Variants in HPSE2 observed in about 807,000 individuals in gnomAD.
HPSE2 encodes inactive heparanase-2.
HPSE2 carries 38 observed loss-of-function variants against 60.5 expected under a neutral mutation model. That is an observed-to-expected ratio of 0.63 (90% CI 0.48 to 0.82). HPSE2 has a LOEUF of 0.82. Ranked by LOEUF, HPSE2 falls within the 40% of genes least tolerant of loss-of-function variation. HPSE2 has a pLI of 0.00. For synonymous variants in HPSE2, 295 were observed against 293.2 expected (o/e 1.01, Z -0.06); for missense variants, 713 against 740.4 (o/e 0.96, Z 0.43).
At chr10:98,690,566 A>G in intron 6 of HPSE2, among the ~76,000 whole-genome samples, 1 of 152,086 alleles carries the variant, frequency 6.6e-6, no homozygotes, top group African/African-American at 2.4e-5. Context: ...AATAATAATA[A>G]TAACTGCAGT....
chr10:98,871,095 C>T (rs149012223), intron 3 of HPSE2, among the ~76,000 whole-genome samples: 5 of 152,162 alleles, frequency 3.3e-5, no homozygotes, highest in African/African-American at 1.2e-4. Context: ...TCTTGTACAG[C>T]CTGCAGAACC....
At chr10:98,610,890 G>T (rs1403314405) in intron 9 of HPSE2, among the ~76,000 whole-genome samples, 1 of 152,196 alleles carries the variant, frequency 6.6e-6, no homozygotes, top group African/African-American at 2.4e-5. Flanking sequence ...TTCCCTGAAA[G>T]CTCTGTAAAT....
At chr10:99,053,030 TA>T (rs1958025191) in intron 3 of HPSE2, among the ~76,000 whole-genome samples, 1 of 116,776 alleles carries the variant, frequency 8.6e-6, no homozygotes, top group Non-Finnish European at 2.1e-5. Context: ...CATCTTTTAT[TA>T]ATTTCTTGAA....
the HPSE2 span, among the ~76,000 whole-genome samples, chr10:99,309,692 C>T: frequency 6.6e-6 from 1 of 152,158 alleles, no homozygotes; most frequent in South Asian, 2.1e-4. Flanking sequence ...GTCCATATGG[C>T]CTGCAAAGCC....
chr10:99,129,869 G>C (rs996216034), intron 3 of HPSE2, among the ~76,000 whole-genome samples: 1 of 149,994 alleles, frequency 6.7e-6, no homozygotes, highest in African/African-American at 2.4e-5. Flanking sequence ...AAACAAAATT[G>C]ATACATCATT....
intron 2 of HPSE2, among the ~76,000 whole-genome samples, chr10:99,199,302 T>C (rs1241072289): frequency 6.6e-6 from 1 of 152,090 alleles, no homozygotes; most frequent in African/African-American, 2.4e-5. Context: ...TATAAAAGGG[T>C]TCCAGTTTCT....
chr10:99,005,887 G>A (rs138760486), intron 3 of HPSE2, among the ~76,000 whole-genome samples: 195 of 152,278 alleles, frequency 1.3e-3, no homozygotes, highest in African/African-American at 4.5e-3. Context: ...CCATAGGTGG[G>A]TTTACTGCTG....
At chr10:98,850,039 C>A (rs930249644) in intron 3 of HPSE2, among the ~76,000 whole-genome samples, 2 of 152,148 alleles carry the variant, frequency 1.3e-5, no homozygotes, top group Non-Finnish European at 2.9e-5. Flanking sequence ...GCACCACGCC[C>A]AGCCAATCTT....
intron 3 of HPSE2, among the ~76,000 whole-genome samples, chr10:98,905,187 T>A (rs1953777827): frequency 6.6e-6 from 1 of 152,096 alleles, no homozygotes. Flanking sequence ...TACTTTAAGT[T>A]TTAGGGTACA....
At position 98,740,710 on chromosome 10, in the gene HPSE2, C is replaced by T. The variant is rs544431409; in HGVS notation, c.784+3173G>A. Among the ~76,000 whole-genome samples the T allele has an allele frequency of 3.3e-4, 51 of 152,240 alleles. No individual in the cohort carries two copies. The South Asian group carries it at 7.5e-3, about 22-fold the overall frequency. Reference sequence around the variant, plus strand: ...GCTCTAGAGATAAAATACTTGTTAACATGGTGTAGGTATATGGAAAGATGA... The same window carrying T: ...GCTCTAGAGATAAAATACTTGTTAATATGGTGTAGGTATATGGAAAGATGA... On this transcript the variant is annotated intron_variant, in intron 4 of 11. Coordinates refer to ENST00000370552, the MANE Select transcript of HPSE2 (RefSeq NM_021828.5).
At chr10:98,657,333 C>CT (rs71488865) in intron 6 of HPSE2, among the ~76,000 whole-genome samples, 31,000 of 150,642 alleles carry the variant, frequency 0.21, 3,456 homozygotes, top group East Asian at 0.35. Context: ...CTCCAAAATC[C>CT]TTTTTTTTTG....
At chr10:99,037,586 A>G (rs893091833) in intron 3 of HPSE2, among the ~76,000 whole-genome samples, 3 of 152,072 alleles carry the variant, frequency 2.0e-5, no homozygotes, top group African/African-American at 7.2e-5. Context: ...ACATATATGT[A>G]CATAATATTA....
chr10:98,987,840 T>C (rs1183129526), intron 3 of HPSE2, among the ~76,000 whole-genome samples: 1 of 152,096 alleles, frequency 6.6e-6, no homozygotes, highest in East Asian at 1.9e-4. Context: ...AGCATTCTTA[T>C]ACACCAATAA....
At chr10:98,761,361 G>T (rs978866388) in intron 3 of HPSE2, among the ~76,000 whole-genome samples, 2 of 151,948 alleles carry the variant, frequency 1.3e-5, no homozygotes, top group Admixed American at 6.6e-5. Context: ...TTTTCTATTT[G>T]TTTCTTAATC....
chr10:98,761,800 T>A lies in HPSE2; in HGVS notation c.611-17744A>T, dbSNP rs565707822. ...TGTAATGAAGGTGAGTTTCATGGTC[T>A]TATGTTCTTCCTTTACCTCCAGTCT... is the stretch of plus-strand genomic sequence containing the variant. On this transcript the variant is annotated intron_variant, in intron 3 of 11. Transcript: ENST00000370552. Among the ~76,000 whole-genome samples the A allele has an allele frequency of 9.2e-5, 14 of 152,284 alleles. No homozygotes were observed. In the South Asian group the frequency reaches 2.9e-3, roughly 32 times the overall value.
At chr10:98,548,550 G>C (rs1276603844) in intron 9 of HPSE2, among the ~76,000 whole-genome samples, 2 of 151,904 alleles carry the variant, frequency 1.3e-5, no homozygotes, top group Non-Finnish European at 2.9e-5. Flanking sequence ...CTGGGAGAGA[G>C]AGGTTGTAGT....
chr10:98,982,767 C>G (rs1017478820), intron 3 of HPSE2, among the ~76,000 whole-genome samples: 2 of 151,976 alleles, frequency 1.3e-5, no homozygotes, highest in Admixed American at 6.6e-5. Context: ...TCATTTTAAT[C>G]CAAAGTTTAT....
chr10:98,780,005 A>T lies in HPSE2; in HGVS notation c.611-35949T>A, dbSNP rs1950428541. ...ATAATATATATTTTTTTCTCCTTCAAGCTCAGATTTCTCTGAGAAAAATTT... is the reference window on the plus strand; with the variant it reads ...ATAATATATATTTTTTTCTCCTTCATGCTCAGATTTCTCTGAGAAAAATTT... On this transcript the variant is annotated intron_variant, in intron 3 of 11. Coordinates refer to ENST00000370552, the MANE Select transcript of HPSE2 (RefSeq NM_021828.5). 2.0e-5 allele frequency among the ~76,000 whole-genome samples: 3 copies of T among 152,236 alleles called. No individual in the cohort carries two copies. In the South Asian group the frequency reaches 6.2e-4, roughly 32 times the overall value.
At chr10:98,732,151 G>A (rs1286486329) in intron 4 of HPSE2, among the ~76,000 whole-genome samples, 1 of 151,942 alleles carries the variant, frequency 6.6e-6, no homozygotes, top group East Asian at 1.9e-4. Flanking sequence ...TAAATAAATG[G>A]GAGATAATCT....
Sources: gnomAD v4.1 joint callset for allele counts (sites outside exome capture counted in the v4.1 genomes callset) on GRCh38, gnomAD v4.1.1 for gene constraint, MANE v1.5 for transcripts, NCBI Gene and HGNC (gene_info 2026-07-23, HGNC 2026-07-21) for gene names.